Variants in RUNX1 observed in about 807,000 individuals in gnomAD.
The protein encoded by RUNX1 is runt-related transcription factor 1.
A neutral mutation model predicts 42.8 loss-of-function variants in RUNX1; 19 were observed. The observed-to-expected ratio is 0.44, with a 90% CI of 0.31 to 0.65. RUNX1 has a LOEUF of 0.65. RUNX1 is among the 30% of genes least tolerant of loss of function. The pLI, the probability that RUNX1 is intolerant of heterozygous loss-of-function variation, is 0.07. For missense variants in RUNX1, 528 were observed against 672.0 expected (o/e 0.79, Z 2.37); for synonymous variants, 271 against 289.4 (o/e 0.94, Z 0.64).
intron 2 of RUNX1, among the ~76,000 whole-genome samples, chr21:35,040,979 C>A (rs2059354810): frequency 1.3e-5 from 2 of 152,126 alleles, no homozygotes; most frequent in Admixed American, 6.5e-5. Context: ...AAAACCTACA[C>A]ATTTTCAGAA....
intron 2 of RUNX1, among the ~76,000 whole-genome samples, chr21:35,029,326 T>A (rs2059257564): frequency 6.6e-6 from 1 of 152,228 alleles, no homozygotes; most frequent in Non-Finnish European, 1.5e-5. Flanking sequence ...TCAGTTCTGA[T>A]CCTAACACAG....
At chr21:34,887,147 A>G (rs756657769) in intron 3 of RUNX1, 51 bp from the exon 4 acceptor site, 5 of 1,590,418 alleles carry the variant, frequency 3.1e-6, no homozygotes, top group Non-Finnish European at 8.5e-7. Flanking sequence ...CCCTGCAAAC[A>G]GCTCCTACCA....
At chr21:34,957,641 C>T (rs1002147430) in intron 2 of RUNX1, among the ~76,000 whole-genome samples, 4 of 152,146 alleles carry the variant, frequency 2.6e-5, no homozygotes, top group African/African-American at 4.8e-5. Context: ...CTGGGCCGTT[C>T]AGATATTCGT....
intron 2 of RUNX1, among the ~76,000 whole-genome samples, chr21:34,918,009 G>A (rs1268725817): frequency 6.6e-6 from 1 of 151,042 alleles, no homozygotes; most frequent in Non-Finnish European, 1.5e-5. Context: ...GGTGCCTGTA[G>A]TACCAGCTAC....
At chr21:34,886,728 C>A in intron 4 of RUNX1, 115 bp downstream of exon 4, 1 of 1,524,528 alleles carries the variant, frequency 6.6e-7, no homozygotes, top group Admixed American at 1.9e-5. Context: ...CGACCCGGGG[C>A]TGCGGGGGCC....
chr21:35,022,326 T>C (rs556434352), intron 2 of RUNX1, among the ~76,000 whole-genome samples: 31 of 152,324 alleles, frequency 2.0e-4, no homozygotes, highest in African/African-American at 7.0e-4. Flanking sequence ...GGTCTTACTC[T>C]TGATGGAGTC....
At chr21:34,993,601 G>GCA (rs1555913240) in intron 2 of RUNX1, among the ~76,000 whole-genome samples, 2 of 46,432 alleles carry the variant, frequency 4.3e-5, no homozygotes, top group African/African-American at 7.4e-5. Flanking sequence ...ACACACACAG[G>GCA]CACACACAGG....
At chr21:34,965,437 T>G (rs557407514) in intron 2 of RUNX1, among the ~76,000 whole-genome samples, 1 of 152,042 alleles carries the variant, frequency 6.6e-6, no homozygotes, top group African/African-American at 2.4e-5. Flanking sequence ...ATACTTCCGT[T>G]TTTACATAGG....
chr21:34,822,384 T>G lies in RUNX1; in HGVS notation c.805+12026A>C, dbSNP rs2056920768. 2.0e-5 allele frequency among the ~76,000 whole-genome samples: 3 copies of G among 152,246 alleles called. No individual in the cohort carries two copies. In the South Asian group the frequency reaches 6.2e-4, roughly 32 times the overall value. On this transcript the variant is annotated intron_variant, in intron 7 of 8. Coordinates refer to ENST00000675419, the MANE Select transcript of RUNX1 (RefSeq NM_001754.5). The stretch of plus-strand genomic sequence containing the variant: ...GAGCTATCATTATTTTATTACTCCC[T>G]TCAGTAAACATGTGAACCAGGCAAT...
intron 2 of RUNX1, among the ~76,000 whole-genome samples, chr21:34,995,810 G>A (rs1339011037): frequency 6.6e-6 from 1 of 152,142 alleles, no homozygotes; most frequent in Admixed American, 6.6e-5. Context: ...TTGTCATGGA[G>A]TTTATAGAAA....
At chr21:34,862,273 T>G (rs1465650700) in intron 5 of RUNX1, among the ~76,000 whole-genome samples, 1 of 152,222 alleles carries the variant, frequency 6.6e-6, no homozygotes, top group Non-Finnish European at 1.5e-5. Context: ...TTCAACTCTC[T>G]GATTTCATCT....
chr21:34,832,426 C>A (rs751056641), intron 7 of RUNX1, among the ~76,000 whole-genome samples: 1 of 152,110 alleles, frequency 6.6e-6, no homozygotes, highest in Non-Finnish European at 1.5e-5. Context: ...CTGAATTTTC[C>A]ATTGCCTTTA....
intron 3 of RUNX1, chr21:34,888,811 C>G: frequency 2.1e-6 from 1 of 484,402 alleles, no homozygotes; most frequent in Non-Finnish European, 2.7e-6. Context: ...CGGTATCAGC[C>G]AGGGCGCGGC....
In RUNX1 at chr21:34,901,553, A is replaced by G. The variant is rs757372647; in HGVS notation, c.59-8590T>C. On this transcript the variant is annotated intron_variant, in intron 2 of 8. Coordinates refer to ENST00000675419, the MANE Select transcript of RUNX1 (RefSeq NM_001754.5). This position sits in a 1 kb window ranked among gnomAD's most constrained non-coding sequence, Gnocchi z 4.3. ...AATAATAATAACAATACCAGTTTCT[A>G]TCTGTTAGTCTTACGGGTTGAAGAC... 1.2e-4 allele frequency among the ~76,000 whole-genome samples: 18 copies of G among 152,060 alleles called. No homozygotes were observed. Among genetic ancestry groups the G allele is most frequent in the Admixed American group, 3.9e-4 (6 of 15,246 alleles).
chr21:34,810,595 T>C (rs1462676699), intron 7 of RUNX1, among the ~76,000 whole-genome samples: 1 of 152,170 alleles, frequency 6.6e-6, no homozygotes. Context: ...ACAGAGACCC[T>C]AGCTTGGCCC....
chr21:34,790,466 CAGTT>C lies in RUNX1; in HGVS notation c.*1665_*1668del, dbSNP rs1290301338. On this transcript the variant is annotated 3_prime_UTR_variant, in exon 9 of 9. Transcript: ENST00000675419. ...TGGAGCACACATGTGTCAAAATCAG[CAGTT>C]AGTATTTATGAGTTGTACAACAACT... is the stretch of plus-strand genomic sequence containing the variant. 8.6e-6 allele frequency: 2 copies of C among 233,560 alleles called. No homozygotes were observed. The highest frequency in any genetic ancestry group is 1.7e-5 in the Non-Finnish European group (2 of 118,040). 14.5% of individuals were successfully genotyped at this position (233,560 alleles called of 1,614,324 possible).
At chr21:35,000,557 G>A (rs1029763732) in intron 2 of RUNX1, among the ~76,000 whole-genome samples, 5 of 152,030 alleles carry the variant, frequency 3.3e-5, no homozygotes, top group African/African-American at 1.2e-4. Flanking sequence ...ATTTTCATCA[G>A]GCACTAAAGC....
rs542593953 is a variant in RUNX1 at position 35,002,740 on chromosome 21, T to C, written c.58+46102A>G. On this transcript the variant is annotated intron_variant, in intron 2 of 8. Transcript: ENST00000675419. ...ACTGTGCCCGGCCTACTTATTTATT[T>C]TTATAATTTCCCCTTTAAATACAAA... Among the ~76,000 whole-genome samples the C allele has an allele frequency of 1.4e-4, 21 of 152,260 alleles. No individual in the cohort carries two copies. In the South Asian group the frequency reaches 4.3e-3, roughly 32 times the overall value.
intron 2 of RUNX1, among the ~76,000 whole-genome samples, chr21:34,919,511 C>T (rs2058337776): frequency 6.6e-6 from 1 of 152,200 alleles, no homozygotes; most frequent in African/African-American, 2.4e-5. Context: ...GACCAGGCAC[C>T]ATTGGCCTGC....
Sources: gnomAD v4.1 joint callset for allele counts (sites outside exome capture counted in the v4.1 genomes callset) on GRCh38, gnomAD v4.1.1 for gene constraint, Gnocchi (gnomAD v3.1) non-coding constraint, MANE v1.5 for transcripts, NCBI Gene and HGNC (gene_info 2026-07-23, HGNC 2026-07-21) for gene names.